Variants in PCDHA2 observed in about 807,000 individuals in gnomAD.
PCDHA2 encodes protocadherin alpha-2.
A neutral mutation model predicts 66.0 loss-of-function variants in PCDHA2; 58 were observed. The ratio of observed to expected loss-of-function variants is 0.88; its 90% CI spans 0.71 to 1.09. The LOEUF is 1.09. Among genes scored for constraint, PCDHA2 ranks in the 50% least tolerant of loss-of-function variants. PCDHA2 has a pLI of 0.00. For synonymous variants in PCDHA2, 634 were observed against 554.0 expected, an observed-to-expected ratio of 1.14 and a Z score of -2.03; for missense variants, 1,267 against 1,242.3, an observed-to-expected ratio of 1.02 and a Z score of -0.30.
intron 1 of PCDHA2, among the ~76,000 whole-genome samples, chr5:140,942,360 G>A (rs782168150): frequency 4.0e-5 from 6 of 151,816 alleles, no homozygotes; most frequent in Admixed American, 3.3e-4. Context: ...TGCAGTTAAC[G>A]GAGATTGCAC....
At chr5:140,876,086 C>G (rs371336139) in intron 1 of PCDHA2, 7 of 1,613,778 alleles carry the variant, frequency 4.3e-6, no homozygotes, top group Non-Finnish European at 1.7e-6. Flanking sequence ...AGAGAGCAAA[C>G]GCCAAAACTC....
At chr5:140,828,870 C>G (rs1176044523) in intron 1 of PCDHA2, 1 of 1,614,086 alleles carries the variant, frequency 6.2e-7, no homozygotes, top group Non-Finnish European at 8.5e-7. Context: ...AACGGAACAA[C>G]AGTTATCAGA....
At chr5:140,977,306 C>G (rs995052680) in intron 1 of PCDHA2, among the ~76,000 whole-genome samples, 22 of 152,268 alleles carry the variant, frequency 1.4e-4, no homozygotes, top group African/African-American at 4.8e-4. Context: ...GACAAGCTAA[C>G]GATAGTGCTC....
rs1762840113 is a variant in PCDHA2, at chr5:140,802,056, G to A, written c.2388+4704G>A. On this transcript the variant is annotated intron_variant, in intron 1 of 3. Coordinates refer to ENST00000526136, the MANE Select transcript of PCDHA2 (RefSeq NM_018905.3). ...GTATTCTTTCAATACGGACATGTCAGCAGATATTCTGTCAAAATTCCATTT... is the reference window on the plus strand; with the variant it reads ...GTATTCTTTCAATACGGACATGTCAACAGATATTCTGTCAAAATTCCATTT... 3 of 1,614,050 alleles carry A rather than the reference G, an allele frequency of 1.9e-6. No homozygotes were observed. Among genetic ancestry groups the A allele is most frequent in the Non-Finnish European group, 1.7e-6 (2 of 1,180,044 alleles).
At chr5:140,834,349 T>C (rs1772916837) in intron 1 of PCDHA2, 1 of 1,534,320 alleles carries the variant, frequency 6.5e-7, no homozygotes, top group Non-Finnish European at 8.8e-7. Context: ...CGAAGGCAAG[T>C]TTTGCTGACT....
chr5:140,972,080 AAG>A (rs1446545098), intron 1 of PCDHA2, among the ~76,000 whole-genome samples: 8 of 152,208 alleles, frequency 5.3e-5, no homozygotes, highest in African/African-American at 1.9e-4. Flanking sequence ...CTTTTGGAAA[AAG>A]AGTAATTTCT....
chr5:140,944,799 G>A (rs1160069845), intron 1 of PCDHA2, among the ~76,000 whole-genome samples: 2 of 152,090 alleles, frequency 1.3e-5, no homozygotes, highest in Non-Finnish European at 2.9e-5. Flanking sequence ...CAAGTCTGTC[G>A]AGGGTCCACA....
At position 140,838,077 on chromosome 5, in the gene PCDHA2, A is replaced by T. The variant is rs13165987; in HGVS notation, c.2388+40725A>T. ...TTTCCACTTTAAGTTATATATATATAGTGTGTGTGTGTGTGTGTGTGTGTG... is the reference window on the plus strand; with the variant it reads ...TTTCCACTTTAAGTTATATATATATTGTGTGTGTGTGTGTGTGTGTGTGTG... On this transcript the variant is annotated intron_variant, in intron 1 of 3. Coordinates refer to ENST00000526136, the MANE Select transcript of PCDHA2 (RefSeq NM_018905.3). 6.6e-3 allele frequency among the ~76,000 whole-genome samples: 531 copies of T among 80,680 alleles called. 3 individuals carry two copies. The highest frequency in any genetic ancestry group is 0.029 in the Middle Eastern group (4 of 136). The allele number at this position is 80,680 out of a possible 152,430, so 52.9% of individuals were successfully genotyped here. A position where few individuals can be genotyped will look rare whatever the true frequency, so the allele number is the denominator to read the frequency against.
At chr5:140,972,660 A>ATTTTTTTT (rs11350929) in intron 1 of PCDHA2, among the ~76,000 whole-genome samples, 1 of 117,268 alleles carries the variant, frequency 8.5e-6, no homozygotes, top group Non-Finnish European at 1.7e-5. Context: ...AAGAAACCAA[A>ATTTTTTTT]TTTTTTTTTT....
chr5:140,878,800 A>T (rs1324441458), intron 1 of PCDHA2, among the ~76,000 whole-genome samples: 1 of 152,182 alleles, frequency 6.6e-6, no homozygotes, highest in Non-Finnish European at 1.5e-5. Context: ...CTTTTTAAAA[A>T]CATATGGGGG....
chr5:140,813,069 T>C (rs953340812), intron 1 of PCDHA2: 5 of 152,220 alleles, frequency 3.3e-5, no homozygotes, highest in African/African-American at 1.2e-4. Context: ...GTGTGATTTA[T>C]CCTGGAAAAT....
intron 1 of PCDHA2, among the ~76,000 whole-genome samples, chr5:140,941,906 GC>G: frequency 6.6e-6 from 1 of 152,248 alleles, no homozygotes; most frequent in South Asian, 2.1e-4. Context: ...ACATTGAAAT[GC>G]TTTTATGTAT....
At chr5:140,820,473 T>C (rs2150107106) in intron 1 of PCDHA2, among the ~76,000 whole-genome samples, 2 of 152,136 alleles carry the variant, frequency 1.3e-5, no homozygotes, top group African/African-American at 4.8e-5. Flanking sequence ...AGGTAAGGGA[T>C]ATTTTGTAAT....
chr5:140,854,230 A>G (rs2043046050), intron 1 of PCDHA2: 3 of 629,370 alleles, frequency 4.8e-6, no homozygotes, highest in Admixed American at 1.3e-4. Flanking sequence ...CTACATTGGG[A>G]TATTTATGTT....
At chr5:140,871,321 T>A in intron 1 of PCDHA2, 2 of 1,614,066 alleles carry the variant, frequency 1.2e-6, no homozygotes, top group Non-Finnish European at 1.7e-6. Flanking sequence ...CACGCTGGTG[T>A]GCTCCCGCGC....
At chr5:140,903,563 T>G (rs1459855021) in intron 1 of PCDHA2, among the ~76,000 whole-genome samples, 1 of 152,208 alleles carries the variant, frequency 6.6e-6, no homozygotes, top group African/African-American at 2.4e-5. Context: ...ATAAGTGGAA[T>G]TGGGAGCTGT....
intron 1 of PCDHA2, chr5:140,968,319 TCAC>T: frequency 6.2e-7 from 1 of 1,613,996 alleles, no homozygotes; most frequent in East Asian, 2.2e-5. Flanking sequence ...GGGCTGCCAG[TCAC>T]CTCCTATGTC....
chr5:140,816,872 A>G (rs2126675871), intron 1 of PCDHA2: 2 of 151,996 alleles, frequency 1.3e-5, no homozygotes, highest in South Asian at 2.1e-4. Flanking sequence ...GAGCAGCAGT[A>G]TTCACTCAGC....
intron 1 of PCDHA2, among the ~76,000 whole-genome samples, chr5:140,818,082 C>T (rs1766276526): frequency 6.6e-6 from 1 of 152,132 alleles, no homozygotes. Context: ...TTCAAAGCTT[C>T]TTATATCTGT....
Sources: gnomAD v4.1 joint callset for allele counts (sites outside exome capture counted in the v4.1 genomes callset) on GRCh38, gnomAD v4.1.1 for gene constraint, MANE v1.5 for transcripts, NCBI Gene and HGNC (gene_info 2026-07-23, HGNC 2026-07-21) for gene names.